Variants in TGFBR3 observed in about 807,000 individuals in gnomAD.
TGFBR3 encodes transforming growth factor beta receptor 3.
TGFBR3 carries 46 observed loss-of-function variants against 87.9 expected under a neutral mutation model. The observed-to-expected ratio is 0.52, with a 90% CI of 0.41 to 0.67. The LOEUF (loss-of-function observed/expected upper bound fraction) is 0.67, where lower values mean the gene tolerates loss of function less well. Ranked by LOEUF, TGFBR3 falls within the 30% of genes least tolerant of loss-of-function variation. TGFBR3 has a pLI of 0.00. For missense variants in TGFBR3, 866 were observed against 1,041.9 expected, an observed-to-expected ratio of 0.83 and a Z score of 2.32; for synonymous variants, 381 against 391.6, an observed-to-expected ratio of 0.97 and a Z score of 0.32.
Position 91,886,117 on chromosome 1 carries a change from G to C in TGFBR3, c.-353C>G, listed in dbSNP as rs569770254. On this transcript the variant is annotated 5_prime_UTR_variant, in exon 1 of 17. Coordinates refer to ENST00000212355, the MANE Select transcript of TGFBR3 (RefSeq NM_003243.5). ...GCCCTCCTTCACTCGCTGGGAAGAG[G>C]AAAGTGCCGCTCGGCGTCCCCGAAA... The C allele has an allele frequency of 7.5e-5, 34 of 454,110 alleles. 1 individual carries two copies. The highest frequency in any genetic ancestry group is 5.3e-4 in the South Asian group (34 of 64,474). 28.1% of individuals were successfully genotyped at this position (454,110 alleles called of 1,614,324 possible).
At position 91,682,095 on chromosome 1, in the gene TGFBR3, T is replaced by C. The variant is rs1481263893; in HGVS notation, c.*1644A>G. The C allele has an allele frequency of 2.4e-5, 11 of 453,960 alleles. No homozygotes were observed. The highest frequency in any genetic ancestry group is 2.2e-4 in the African/African-American group (11 of 49,990). The allele number at this position is 453,960 out of a possible 1,614,324, so 28.1% of individuals were successfully genotyped here. A position where few individuals can be genotyped will look rare whatever the true frequency, so the allele number is the denominator to read the frequency against. ...ATGTGTATATCTATCAGGTAAGTCA[T>C]ATTATTACTCAACGATTTGGTAAAA... On this transcript the variant is annotated 3_prime_UTR_variant, in exon 17 of 17. Coordinates refer to ENST00000212355, the MANE Select transcript of TGFBR3 (RefSeq NM_003243.5).
chr1:91,748,948 C>T (rs1571470072), intron 4 of TGFBR3, among the ~76,000 whole-genome samples: 1 of 152,184 alleles, frequency 6.6e-6, no homozygotes. Context: ...GAGTACCTCA[C>T]ACACGGCACA....
At chr1:91,761,646 C>T (rs1332879459) in intron 3 of TGFBR3, among the ~76,000 whole-genome samples, 3 of 151,798 alleles carry the variant, frequency 2.0e-5, no homozygotes, top group African/African-American at 4.8e-5. Flanking sequence ...TAAAGGACAA[C>T]CAAAACAGCT....
upstream of TGFBR3, chr1:91,886,304 G>T: frequency 2.6e-6 from 1 of 386,274 alleles, no homozygotes; most frequent in Non-Finnish European, 5.2e-6. Flanking sequence ...TCCTCCTCCC[G>T]CCTCCCGCCT....
chr1:91,777,181 T>C (rs1395442115), intron 3 of TGFBR3, among the ~76,000 whole-genome samples: 1 of 152,174 alleles, frequency 6.6e-6, no homozygotes, highest in African/African-American at 2.4e-5. Flanking sequence ...TAGAGGTTTC[T>C]CCCAATCTGT....
At chr1:91,780,884 TACACACACAC>T (rs56862200) in intron 3 of TGFBR3, among the ~76,000 whole-genome samples, 24,445 of 132,526 alleles carry the variant, frequency 0.18, 2,379 homozygotes, top group South Asian at 0.33. Flanking sequence ...ACTAGAGAAC[TACACACACAC>T]ACACACACAC....
intron 7 of TGFBR3, 70 bp downstream of exon 7, chr1:91,727,589 A>G (rs1275366705): frequency 1.3e-6 from 2 of 1,593,400 alleles, no homozygotes; most frequent in Non-Finnish European, 1.7e-6. Context: ...TAAAAATAAC[A>G]CTTATAAAGT....
At chr1:91,811,820 T>C (rs1676040575) in intron 2 of TGFBR3, among the ~76,000 whole-genome samples, 1 of 151,878 alleles carries the variant, frequency 6.6e-6, no homozygotes, top group South Asian at 2.1e-4. Flanking sequence ...CTGTAAAACA[T>C]ACATCTGTAT....
At position 91,800,998 on chromosome 1, in the gene TGFBR3, G is replaced by A. The variant is rs192645559; in HGVS notation, c.62-3527C>T. 2.4e-4 allele frequency: 53 copies of A among 216,930 alleles called. 1 individual carries two copies. The highest frequency in any genetic ancestry group is 1.2e-3 in the African/African-American group (49 of 42,266). The allele number at this position is 216,930 out of a possible 1,614,324, so 13.4% of individuals were successfully genotyped here. A position where few individuals can be genotyped will look rare whatever the true frequency, so the allele number is the denominator to read the frequency against. ...CTCAGGAGGCTGAGGCAGAAGAATCGCTTGAACCCGGGAGGCGGAGGTTGC... is the reference window on the plus strand; with the variant it reads ...CTCAGGAGGCTGAGGCAGAAGAATCACTTGAACCCGGGAGGCGGAGGTTGC... On this transcript the variant is annotated intron_variant, in intron 2 of 16. Coordinates refer to ENST00000212355, the MANE Select transcript of TGFBR3 (RefSeq NM_003243.5).
chr1:91,874,868 C>T (rs1343269282), intron 1 of TGFBR3, among the ~76,000 whole-genome samples: 1 of 152,154 alleles, frequency 6.6e-6, no homozygotes, highest in African/African-American at 2.4e-5. Flanking sequence ...TGGGTGGGAA[C>T]TAGGCTGCAG....
At chr1:91,694,716 A>C (rs1432138178) in intron 16 of TGFBR3, among the ~76,000 whole-genome samples, 1 of 152,238 alleles carries the variant, frequency 6.6e-6, no homozygotes, top group Non-Finnish European at 1.5e-5. Context: ...AATTAATGAA[A>C]TTATAAACAG....
rs986863453 is a variant in TGFBR3, at chr1:91,836,108, G to A, written c.61+25363C>T. On this transcript the variant is annotated intron_variant, in intron 2 of 16. Transcript: ENST00000212355. ...ACTAAAAATACAAAATTAGCCAGGC[G>A]TGGTGGTGCATGCCTGTAATCCCAG... is the stretch of plus-strand genomic sequence containing the variant. Among the ~76,000 whole-genome samples the A allele has an allele frequency of 5.3e-5, 8 of 152,134 alleles. No homozygotes were observed. The South Asian group carries it at 1.0e-3, about 20-fold the overall frequency.
chr1:91,689,399 C>T (rs79025851), intron 16 of TGFBR3, among the ~76,000 whole-genome samples: 2,593 of 152,212 alleles, frequency 0.017, 71 homozygotes, highest in African/African-American at 0.059. Flanking sequence ...ATGGGAACTC[C>T]ACGACAGCAA....
chr1:91,825,069 A>G (rs1571547621), intron 2 of TGFBR3, among the ~76,000 whole-genome samples: 1 of 152,368 alleles, frequency 6.6e-6, no homozygotes, highest in African/African-American at 2.4e-5. Flanking sequence ...TCTCAGACAC[A>G]TATAAATACA....
At chr1:91,711,785 A>G (rs1052952361) in intron 13 of TGFBR3, among the ~76,000 whole-genome samples, 2 of 152,216 alleles carry the variant, frequency 1.3e-5, no homozygotes, top group South Asian at 4.1e-4. Context: ...AGAAAAGCTA[A>G]AATATTTGTT....
At chr1:91,811,932 T>A (rs1324015546) in intron 2 of TGFBR3, among the ~76,000 whole-genome samples, 3 of 151,760 alleles carry the variant, frequency 2.0e-5, no homozygotes, top group African/African-American at 2.4e-5. Flanking sequence ...TGAAAGTAAC[T>A]GCTGTTTTTC....
chr1:91,703,389 T>G (rs1671688508), intron 14 of TGFBR3, among the ~76,000 whole-genome samples: 1 of 152,210 alleles, frequency 6.6e-6, no homozygotes, highest in Non-Finnish European at 1.5e-5. Flanking sequence ...AATTAACATT[T>G]ACTGAGTATC....
At chr1:91,764,524 G>A (rs1399225723) in intron 3 of TGFBR3, among the ~76,000 whole-genome samples, 1 of 151,966 alleles carries the variant, frequency 6.6e-6, no homozygotes, top group Non-Finnish European at 1.5e-5. Flanking sequence ...CCGTTGCAAG[G>A]AGATTCCAGA....
chr1:91,758,389 G>C lies in TGFBR3; in HGVS notation c.384+224C>G, dbSNP rs533938114. Among the ~76,000 whole-genome samples, 4 of 152,228 alleles carry C rather than the reference G, an allele frequency of 2.6e-5. No individual in the cohort carries two copies. The East Asian group carries it at 7.7e-4, about 29-fold the overall frequency. On this transcript the variant is annotated intron_variant, in intron 4 of 16. Transcript: ENST00000212355. ...AGGTCCTGCTCTAATGTGCGCACTA[G>C]ACCCCAGCCTCTGCCCACAGAAGAT...
Sources: gnomAD v4.1 joint callset for allele counts (sites outside exome capture counted in the v4.1 genomes callset) on GRCh38, gnomAD v4.1.1 for gene constraint, MANE v1.5 for transcripts, NCBI Gene and HGNC (gene_info 2026-07-23, HGNC 2026-07-21) for gene names.